The following NRG2 variants were observed in gnomAD, a reference collection of about 807,000 sequenced individuals.
The protein encoded by NRG2 is pro-neuregulin-2, membrane-bound isoform.
In NRG2, 27 loss-of-function variants were observed where a neutral mutation model predicts 73.9. That is an observed-to-expected ratio of 0.37 (90% CI 0.27 to 0.50). The LOEUF (loss-of-function observed/expected upper bound fraction) is 0.50, where lower values mean the gene tolerates loss of function less well. Ranked by LOEUF, NRG2 falls within the 20% of genes least tolerant of loss-of-function variation. NRG2 has a pLI of 0.96. For synonymous variants in NRG2, 532 were observed against 541.0 expected (o/e 0.98, Z 0.23); for missense variants, 1,126 against 1,210.1 (o/e 0.93, Z 1.03).
chr5:140,034,749 A>G (rs186058084), intron 1 of NRG2, among the ~76,000 whole-genome samples: 1 of 152,224 alleles, frequency 6.6e-6, no homozygotes, highest in African/African-American at 2.4e-5. Context: ...ATTTATAATA[A>G]CATGAATAGA....
intron 1 of NRG2, among the ~76,000 whole-genome samples, chr5:139,937,284 A>G (rs1161906904): frequency 6.6e-6 from 1 of 152,248 alleles, no homozygotes; most frequent in Non-Finnish European, 1.5e-5. Flanking sequence ...ACATCTATTC[A>G]TGACAAAACT....
intron 1 of NRG2, among the ~76,000 whole-genome samples, chr5:139,902,669 T>G (rs1764962517): frequency 6.6e-6 from 1 of 152,122 alleles, no homozygotes; most frequent in African/African-American, 2.4e-5. Flanking sequence ...CTTACCTAGC[T>G]ACCCTTCCAA....
At chr5:140,033,892 T>C (rs1761322985) in intron 1 of NRG2, among the ~76,000 whole-genome samples, 3 of 152,182 alleles carry the variant, frequency 2.0e-5, no homozygotes, top group Admixed American at 2.0e-4. Flanking sequence ...ATCTTCATTT[T>C]ACAGGAAACT....
At chr5:140,001,176 C>T (rs1034440330) in intron 1 of NRG2, among the ~76,000 whole-genome samples, 2 of 152,192 alleles carry the variant, frequency 1.3e-5, no homozygotes, top group Non-Finnish European at 2.9e-5. Context: ...GCACTTGGCT[C>T]ATCCAGTCGG....
At chr5:139,984,013 G>T (rs558518634) in intron 1 of NRG2, among the ~76,000 whole-genome samples, 51 of 152,198 alleles carry the variant, frequency 3.4e-4, no homozygotes, top group African/African-American at 1.2e-3. Context: ...AACTGCAATG[G>T]GCATGCAAGA....
intron 1 of NRG2, among the ~76,000 whole-genome samples, chr5:139,893,820 C>T (rs1489919233): frequency 6.6e-6 from 1 of 152,172 alleles, no homozygotes; most frequent in Non-Finnish European, 1.5e-5. Context: ...GCCCAGGCCT[C>T]CACAAAAAGA....
chr5:139,877,584 C>T (rs1199777544), intron 3 of NRG2, among the ~76,000 whole-genome samples: 1 of 152,252 alleles, frequency 6.6e-6, no homozygotes, highest in Non-Finnish European at 1.5e-5. Flanking sequence ...CCAGCAGGGG[C>T]CTCCTGGTCC....
intron 1 of NRG2, among the ~76,000 whole-genome samples, chr5:139,975,175 T>A (rs1756292739): frequency 6.6e-6 from 1 of 152,186 alleles, no homozygotes; most frequent in South Asian, 2.1e-4. Context: ...ACTCAGCCAA[T>A]TCTAATCGCA....
At chr5:139,919,257 A>C (rs1371457534) in intron 1 of NRG2, among the ~76,000 whole-genome samples, 1 of 152,072 alleles carries the variant, frequency 6.6e-6, no homozygotes, top group African/African-American at 2.4e-5. Flanking sequence ...GTATCACTAG[A>C]AGCAAGAAGC....
intron 1 of NRG2, among the ~76,000 whole-genome samples, chr5:139,917,527 C>T (rs1458964638): frequency 3.9e-5 from 6 of 152,202 alleles, no homozygotes; most frequent in African/African-American, 1.4e-4. Context: ...GCTGGGATTA[C>T]AGGTGTAAGC....
intron 1 of NRG2, among the ~76,000 whole-genome samples, chr5:139,889,786 T>G (rs895429321): frequency 6.6e-5 from 10 of 152,178 alleles, no homozygotes; most frequent in African/African-American, 1.9e-4. Context: ...TGCTACTTGT[T>G]AGATTTGTGT....
At chr5:139,989,200 A>G (rs1757392598) in intron 1 of NRG2, among the ~76,000 whole-genome samples, 1 of 151,986 alleles carries the variant, frequency 6.6e-6, no homozygotes, top group Admixed American at 6.5e-5. Context: ...TATCTCCGGA[A>G]TAGATTCTGA....
chr5:139,922,480 A>G (rs1751748011), intron 1 of NRG2, among the ~76,000 whole-genome samples: 1 of 152,240 alleles, frequency 6.6e-6, no homozygotes, highest in Non-Finnish European at 1.5e-5. Flanking sequence ...GAACAACAGG[A>G]TCTCTCAATC....
At chr5:139,898,559 G>A (rs1264089314) in intron 1 of NRG2, among the ~76,000 whole-genome samples, 1 of 152,224 alleles carries the variant, frequency 6.6e-6, no homozygotes, top group African/African-American at 2.4e-5. Flanking sequence ...AGTGTTTGCA[G>A]CTGGCGAGCT....
chr5:139,866,318 C>G (rs1441692749), intron 4 of NRG2, among the ~76,000 whole-genome samples: 2 of 152,238 alleles, frequency 1.3e-5, no homozygotes, highest in Non-Finnish European at 2.9e-5. Flanking sequence ...AATAGCTGAA[C>G]TTTCCATGTA....
At chr5:140,028,705 A>G (rs901940962) in intron 1 of NRG2, among the ~76,000 whole-genome samples, 3 of 152,098 alleles carry the variant, frequency 2.0e-5, no homozygotes, top group Non-Finnish European at 4.4e-5. Flanking sequence ...CAGAGGTCAA[A>G]CTGTAATGTC....
chr5:139,956,148 C>A (rs962653075), intron 1 of NRG2, among the ~76,000 whole-genome samples: 1 of 152,112 alleles, frequency 6.6e-6, no homozygotes, highest in African/African-American at 2.4e-5. Flanking sequence ...AACTCCCCCA[C>A]CCCATTCACA....
chr5:140,043,071 T>C lies in NRG2; in HGVS notation c.-2A>G. 1.3e-6 allele frequency: 2 copies of C among 1,564,920 alleles called. No individual in the cohort carries two copies. The highest frequency in any genetic ancestry group is 1.7e-6 in the Non-Finnish European group (2 of 1,164,176). ...CGCTGAGCAGCAAACCTGCCGCATC[T>C]GGCCAGGCCATTTGGGGGGCTCCGC... On this transcript the variant is annotated 5_prime_UTR_variant, in exon 1 of 10. Coordinates refer to ENST00000361474, the MANE Select transcript of NRG2 (RefSeq NM_004883.3). The surrounding 1 kb of genome is among the most constrained non-coding windows in gnomAD (Gnocchi z 6.7).
In NRG2 at chr5:139,979,327, G is replaced by A. The variant is rs571083207; in HGVS notation, c.700+63043C>T. ...CCACTTCACAACTCTTTGATCACGA[G>A]TAGAGCCCCTCACCTCCCTAGAGCT... On this transcript the variant is annotated intron_variant, in intron 1 of 9. Transcript: ENST00000361474. Among the ~76,000 whole-genome samples the A allele has an allele frequency of 9.0e-4, 137 of 152,282 alleles. 1 individual carries two copies. The highest frequency in any genetic ancestry group is 3.2e-3 in the African/African-American group (134 of 41,548).
Sources: allele counts gnomAD v4.1 joint callset (sites outside exome capture counted in the v4.1 genomes callset), GRCh38; gene constraint gnomAD v4.1.1; non-coding constraint Gnocchi (gnomAD v3.1); transcripts MANE v1.5; gene names NCBI Gene and HGNC (gene_info 2026-07-23, HGNC 2026-07-21).